ARHGAP6: variants seen among roughly 807,000 people sequenced by gnomAD.
ARHGAP6 encodes the protein Rho GTPase activating protein 6, also known as rho GTPase-activating protein 6.
ARHGAP6 carries 16 observed loss-of-function variants against 55.7 expected under a neutral mutation model. That is an observed-to-expected ratio of 0.29 (90% CI 0.19 to 0.44). The LOEUF (loss-of-function observed/expected upper bound fraction) is 0.44, where lower values mean the gene tolerates loss of function less well. Ranked by LOEUF, ARHGAP6 falls within the 20% of genes least tolerant of loss-of-function variation. ARHGAP6 has a pLI of 1.00. For missense variants in ARHGAP6, 698 were observed against 808.9 expected (o/e 0.86, Z 1.66); for synonymous variants, 382 against 360.9 (o/e 1.06, Z -0.66).
intron 1 of ARHGAP6, among the ~76,000 whole-genome samples, chrX:11,292,553 G>A (rs2048012654): frequency 8.9e-6 from 1 of 111,734 alleles, no homozygotes; most frequent in Admixed American, 9.5e-5. Flanking sequence ...ATGAGAAAGT[G>A]GGATTGGGCC....
intron 1 of ARHGAP6, among the ~76,000 whole-genome samples, chrX:11,389,615 A>G (rs755861138): frequency 8.9e-6 from 1 of 112,642 alleles, no homozygotes; most frequent in East Asian, 2.8e-4. Context: ...AATTATGCTT[A>G]AAATATCTGT....
chrX:11,158,252 G>A (rs2045891074), intron 9 of ARHGAP6, among the ~76,000 whole-genome samples: 1 of 111,767 alleles, frequency 8.9e-6, no homozygotes, highest in South Asian at 3.8e-4. Context: ...CTCCATCAGA[G>A]GCAATGAAAA....
At chrX:11,513,426 G>A (rs1041083968) in intron 1 of ARHGAP6, among the ~76,000 whole-genome samples, 1 of 111,929 alleles carries the variant, frequency 8.9e-6, no homozygotes, top group Non-Finnish European at 1.9e-5. Flanking sequence ...TCAAGACCAC[G>A]TTTACAGAGA....
chrX:11,381,960 A>G lies in ARHGAP6; in HGVS notation c.589-127253T>C, dbSNP rs1452225909. 3.6e-5 allele frequency among the ~76,000 whole-genome samples: 4 copies of G among 112,294 alleles called. No individual in the cohort carries two copies. In the South Asian group the frequency reaches 1.5e-3, roughly 41 times the overall value. The stretch of plus-strand genomic sequence containing the variant: ...ATGAGGCATTAGGAATAAGACAAGT[A>G]ACATTAATGTTACATAAGACATAAA... On this transcript the variant is annotated intron_variant, in intron 1 of 12. Transcript: ENST00000337414.
intron 1 of ARHGAP6, among the ~76,000 whole-genome samples, chrX:11,297,534 C>T (rs2048107072): frequency 1.8e-5 from 2 of 111,968 alleles, no homozygotes; most frequent in South Asian, 3.7e-4. Flanking sequence ...TTTTTTGTAT[C>T]GATTAAATGC....
At chrX:11,509,483 G>C (rs184931941) in intron 1 of ARHGAP6, among the ~76,000 whole-genome samples, 1 of 111,434 alleles carries the variant, frequency 9.0e-6, no homozygotes, top group Non-Finnish European at 1.9e-5. Context: ...TTTCCAAGTT[G>C]GGAGTGACTT....
At chrX:11,142,856 C>T (rs779172227) in intron 11 of ARHGAP6, 1 of 111,646 alleles carries the variant, frequency 9.0e-6, no homozygotes, top group East Asian at 2.8e-4. Context: ...TTAGACTTCT[C>T]ACCTCCAGAA....
In ARHGAP6 at chrX:11,496,429, A is replaced by G. The variant is rs559593361; in HGVS notation, c.588+167812T>C. Among the ~76,000 whole-genome samples the G allele has an allele frequency of 3.6e-5, 4 of 111,389 alleles. No individual in the cohort carries two copies. In the South Asian group the frequency reaches 1.5e-3, roughly 42 times the overall value. On this transcript the variant is annotated intron_variant, in intron 1 of 12. Transcript: ENST00000337414. ...AAATTTATTATCTTATATATCTGCT[A>G]CTATAAGATTCTAAAAAAAGCTGTG... is the stretch of plus-strand genomic sequence containing the variant.
chrX:11,437,355 T>G (rs2049997205), intron 1 of ARHGAP6, among the ~76,000 whole-genome samples: 1 of 112,740 alleles, frequency 8.9e-6, no homozygotes, highest in Non-Finnish European at 1.9e-5. Flanking sequence ...TTCTATCAAT[T>G]CATTCAGTCC....
intron 1 of ARHGAP6, among the ~76,000 whole-genome samples, chrX:11,575,398 C>G (rs1207116391): frequency 8.9e-6 from 1 of 111,815 alleles, no homozygotes; most frequent in Non-Finnish European, 1.9e-5. Context: ...CAGGACTATT[C>G]TACTTGAGAT....
chrX:11,656,564 G>A (rs1264668242), intron 1 of ARHGAP6, among the ~76,000 whole-genome samples: 2 of 111,908 alleles, frequency 1.8e-5, no homozygotes, highest in African/African-American at 6.5e-5. Flanking sequence ...GCCAAGGGCT[G>A]TGGCTGCTTC....
At chrX:11,326,755 A>G (rs1219468825) in intron 1 of ARHGAP6, among the ~76,000 whole-genome samples, 1 of 112,499 alleles carries the variant, frequency 8.9e-6, no homozygotes, top group Non-Finnish European at 1.9e-5. Flanking sequence ...CATTTTCCAT[A>G]AAACTAAATG....
chrX:11,380,689 C>T (rs978720008), intron 1 of ARHGAP6, among the ~76,000 whole-genome samples: 2 of 111,694 alleles, frequency 1.8e-5, no homozygotes, highest in African/African-American at 6.5e-5. Flanking sequence ...CCGTGGAATA[C>T]ATTTTGAGTA....
intron 2 of ARHGAP6, among the ~76,000 whole-genome samples, chrX:11,199,391 A>C (rs2046587948): frequency 9.0e-6 from 1 of 111,610 alleles, no homozygotes; most frequent in Non-Finnish European, 1.9e-5. Flanking sequence ...CCCACTCCAG[A>C]TATGCTAAAT....
intron 1 of ARHGAP6, among the ~76,000 whole-genome samples, chrX:11,650,044 G>A (rs7059998): frequency 0.2 from 19,967 of 101,402 alleles, 2,295 homozygotes; most frequent in African/African-American, 0.39. Flanking sequence ...GCCCAGGCTG[G>A]AGTGCAATGG....
At chrX:11,191,942 A>G (rs2046467283) in intron 3 of ARHGAP6, among the ~76,000 whole-genome samples, 1 of 111,490 alleles carries the variant, frequency 9.0e-6, no homozygotes, top group East Asian at 2.8e-4. Flanking sequence ...TGGGTTTTCA[A>G]TGTGGAAGGT....
chrX:11,460,723 T>C (rs957242722), intron 1 of ARHGAP6, among the ~76,000 whole-genome samples: 1 of 111,908 alleles, frequency 8.9e-6, no homozygotes, highest in Non-Finnish European at 1.9e-5. Context: ...TCCTGCATTG[T>C]TTGTGCAGTT....
chrX:11,659,688 G>A (rs780548413), intron 1 of ARHGAP6, among the ~76,000 whole-genome samples: 1 of 111,603 alleles, frequency 9.0e-6, no homozygotes. Flanking sequence ...CGAAAAGAGC[G>A]AGAGAGAGAA....
At chrX:11,313,998 G>T (rs1190022682) in intron 1 of ARHGAP6, among the ~76,000 whole-genome samples, 1 of 112,104 alleles carries the variant, frequency 8.9e-6, no homozygotes, top group East Asian at 2.8e-4. Flanking sequence ...TTACAATTTT[G>T]ATTTTGACAT....
Sources: allele counts gnomAD v4.1 joint callset (sites outside exome capture counted in the v4.1 genomes callset), GRCh38; gene constraint gnomAD v4.1.1; transcripts MANE v1.5; gene names NCBI Gene and HGNC (gene_info 2026-07-23, HGNC 2026-07-21).